ZNF394: variants seen among roughly 807,000 people sequenced by gnomAD.
ZNF394 encodes zinc finger protein 394.
A neutral mutation model predicts 21.8 loss-of-function variants in ZNF394; 19 were observed. The observed-to-expected ratio is 0.87, with a 90% CI of 0.61 to 1.28. The LOEUF is 1.28. Among genes scored for constraint, ZNF394 ranks in the 50% most tolerant of loss-of-function variants. ZNF394 has a pLI of 0.00. For missense variants in ZNF394, 683 were observed against 708.6 expected, an observed-to-expected ratio of 0.96 and a Z score of 0.41; for synonymous variants, 294 against 273.3, an observed-to-expected ratio of 1.08 and a Z score of -0.75.
rs1450850978 is a variant in ZNF394 at position 99,498,795 on chromosome 7, C to G, written c.504G>C (p.Glu168Asp). The G allele has an allele frequency of 6.2e-7, 1 of 1,614,110 alleles. No individual in the cohort carries two copies. The highest frequency in any genetic ancestry group is 8.5e-7 in the Non-Finnish European group (1 of 1,180,012). ...EDTAVSLTWEEWERLDPARRD... is the reference protein window; with the variant it reads ...EDTAVSLTWEDWERLDPARRD... ...TCCGTGCTGGGTCCAGGCGCTCCCA[C>G]TCCTCCCAGGTTAGAGACACAGCCG... is the stretch of plus-strand genomic sequence containing the variant. The change falls in exon 2 of 3, where the codon GAG becomes GAC. Residue 168 changes from glutamate to aspartate, a missense_variant. Glu to Asp is a conservative substitution (Grantham distance 45). Around this residue, in one of 3 missense-constraint regions of ZNF394, gnomAD observed 402 missense variants for 373.8 expected, o/e 1.08. Coordinates refer to ENST00000337673, the MANE Select transcript of ZNF394 (RefSeq NM_032164.4).
chr7:99,486,931 C>T lies in ZNF394; in HGVS notation n.116G>A, dbSNP rs368664475. ...GGTCTGTGGGCAAGCCTTCAGACAGCGGTCAGCTCTTACGGTCCATAAACA... is the reference window on the plus strand; with the variant it reads ...GGTCTGTGGGCAAGCCTTCAGACAGTGGTCAGCTCTTACGGTCCATAAACA... On this transcript the variant is annotated non_coding_transcript_exon_variant, in exon 2 of 2. Transcript: ENST00000462024. 2.7e-5 allele frequency: 43 copies of T among 1,614,014 alleles called. No individual in the cohort carries two copies. In the African/African-American group the frequency reaches 3.6e-4, roughly 14 times the overall value.
At chr7:99,487,111 A>G in intron 1 of ZNF394, 1 of 1,614,174 alleles carries the variant, frequency 6.2e-7, no homozygotes, top group South Asian at 1.1e-5. Flanking sequence ...TTCAACCCTT[A>G]TTCGACATCA....
chr7:99,495,223 G>A (rs1339744450), intron 2 of ZNF394, among the ~76,000 whole-genome samples: 1 of 152,068 alleles, frequency 6.6e-6, no homozygotes, highest in Non-Finnish European at 1.5e-5. Context: ...TGGCCAGGCT[G>A]GTCTTGAACT....
At chr7:99,494,976 G>A (rs1442926725) in intron 2 of ZNF394, among the ~76,000 whole-genome samples, 16 of 151,658 alleles carry the variant, frequency 1.1e-4, no homozygotes, top group Admixed American at 3.9e-4. Context: ...CTCATGATCC[G>A]CTCGCCTCAG....
chr7:99,496,817 C>A (rs1005944564), intron 2 of ZNF394, among the ~76,000 whole-genome samples: 7 of 151,786 alleles, frequency 4.6e-5, no homozygotes, highest in African/African-American at 1.7e-4. Context: ...AACAATCCTC[C>A]CATCTGGGCC....
At chr7:99,496,827 C>T (rs1800327553) in intron 2 of ZNF394, among the ~76,000 whole-genome samples, 1 of 151,750 alleles carries the variant, frequency 6.6e-6, no homozygotes. Flanking sequence ...CCATCTGGGC[C>T]TCCCAAAGTG....
At chr7:99,488,842 C>A (rs1310650663), downstream of ZNF394, among the ~76,000 whole-genome samples, 1 of 149,530 alleles carries the variant, frequency 6.7e-6, no homozygotes, top group African/African-American at 2.5e-5. Context: ...GTAGGAGAAT[C>A]ACCTACCTCA....
At chr7:99,492,996 C>T (rs1443604852), downstream of ZNF394, among the ~76,000 whole-genome samples, 1 of 152,028 alleles carries the variant, frequency 6.6e-6, no homozygotes, top group Non-Finnish European at 1.5e-5. Context: ...AGGACAGAAC[C>T]CCGTTACATG....
intron 2 of ZNF394, among the ~76,000 whole-genome samples, chr7:99,495,707 GC>G (rs1562894016): frequency 6.6e-6 from 1 of 151,478 alleles, no homozygotes; most frequent in Non-Finnish European, 1.5e-5. Context: ...TGCAACCTCT[GC>G]CCCCCAGGTT....
Position 99,493,792 on chromosome 7 carries a change from C to T in ZNF394, c.1423G>A (p.Glu475Lys), listed in dbSNP as rs765336766. ...TCAGAGCGCTGTTTGAAGCTCTTCT[C>T]GCATTCTTCACACTTATAGGGTCTT... ...GERPYKCEEC[E>K]KSFKQRSDLF... The change falls in exon 3 of 3, where the codon GAG (glutamate) becomes AAG (lysine). Residue 475 changes from glutamate to lysine, a missense_variant. Transcript: ENST00000337673. 59 of 1,613,938 alleles carry T rather than the reference C, an allele frequency of 3.7e-5. No homozygotes were observed. Among genetic ancestry groups the T allele is most frequent in the Admixed American group, 5.0e-5 (3 of 59,974 alleles).
chr7:99,493,531 A>C lies in ZNF394; in HGVS notation c.1684T>G (p.Ter562GluextTer18). The C allele has an allele frequency of 6.3e-7, 1 of 1,595,886 alleles. No homozygotes were observed. The highest frequency in any genetic ancestry group is 8.5e-7 in the Non-Finnish European group (1 of 1,169,960). ...LSAGRGGSRL[*>E] ...CTTGGCCTCCCAAAGTGCTGGGATT[A>C]TAGGCGTGAGCCACCACGCCCAGCC... is the stretch of plus-strand genomic sequence containing the variant. The change falls in exon 3 of 3, where the codon TAA (stop) becomes GAA (glutamate). Residue 562 changes from the stop codon to glutamate (E), a stop_lost. Coordinates refer to ENST00000337673, the MANE Select transcript of ZNF394 (RefSeq NM_032164.4).
exon 2 of ZNF394, chr7:99,486,744 T>C: frequency 6.2e-7 from 1 of 1,614,214 alleles, no homozygotes; most frequent in Non-Finnish European, 8.5e-7. Flanking sequence ...ATGATGAGGA[T>C]GGCAAACCCT....
chr7:99,498,352 T>C (rs1800401260), intron 2 of ZNF394: 2 of 188,572 alleles, frequency 1.1e-5, no homozygotes, highest in Non-Finnish European at 2.3e-5. Context: ...TGGCTACCTC[T>C]GGAGAAGGAT....
At chr7:99,499,408 A>G (rs986942149) in intron 1 of ZNF394, among the ~76,000 whole-genome samples, 5 of 151,618 alleles carry the variant, frequency 3.3e-5, no homozygotes, top group African/African-American at 7.3e-5. Flanking sequence ...GAAAAAAAAA[A>G]AAAAGAAAAG....
At position 99,487,200 on chromosome 7, in the gene ZNF394, T is replaced by C. The variant is rs769092023; in HGVS notation, n.84-237A>G. 1.9e-6 allele frequency: 3 copies of C among 1,614,150 alleles called. No individual in the cohort carries two copies. The African/African-American group carries it at 4.0e-5, about 22-fold the overall frequency. ...TTGGCCGGCATTCAACCCTTCTATG[T>C]CATCAACAGATTCACAGTAAACCGA... is the stretch of plus-strand genomic sequence containing the variant. On this transcript the variant is annotated intron_variant and non_coding_transcript_variant, in intron 1 of 1. Coordinates refer to the ZNF394 transcript ENST00000462024.
At chr7:99,498,571 G>A (rs1800408912) in intron 2 of ZNF394, 145 bp downstream of exon 2, 2 of 1,157,216 alleles carry the variant, frequency 1.7e-6, no homozygotes, top group South Asian at 3.0e-5. Context: ...GCACCTAGCA[G>A]TACAGAGGCT....
downstream of ZNF394, among the ~76,000 whole-genome samples, chr7:99,491,795 C>G (rs1353713615): frequency 1.8e-5 from 2 of 111,848 alleles, no homozygotes; most frequent in Non-Finnish European, 3.5e-5. Flanking sequence ...AAAAAAAAAG[C>G]CAGGCACAGT....
chr7:99,490,889 G>C (rs997286034), downstream of ZNF394, among the ~76,000 whole-genome samples: 3 of 151,978 alleles, frequency 2.0e-5, no homozygotes, highest in African/African-American at 7.2e-5. Context: ...TGCTGTCCAG[G>C]CCAGACACTC....
At chr7:99,489,975 A>G (rs1484475702), downstream of ZNF394, among the ~76,000 whole-genome samples, 1 of 151,702 alleles carries the variant, frequency 6.6e-6, no homozygotes, top group Non-Finnish European at 1.5e-5. Context: ...ACTGCACTCC[A>G]GCCTGGGCGA....
Sources: allele counts gnomAD v4.1 joint callset (sites outside exome capture counted in the v4.1 genomes callset), GRCh38; gene constraint gnomAD v4.1.1; regional missense constraint gnomAD v4.1.1; transcripts MANE v1.5; gene names NCBI Gene and HGNC (gene_info 2026-07-23, HGNC 2026-07-21).